The following C8orf34 variants were observed in gnomAD, a reference collection of about 807,000 sequenced individuals.
The protein encoded by C8orf34 is chromosome 8 open reading frame 34.
A neutral mutation model predicts 68.3 loss-of-function variants in C8orf34; 65 were observed. That is an observed-to-expected ratio of 0.95 (90% CI 0.78 to 1.17). The LOEUF (loss-of-function observed/expected upper bound fraction) is 1.17, where lower values mean the gene tolerates loss of function less well. Ranked by LOEUF, C8orf34 falls within the 50% of genes most tolerant of loss-of-function variation. The pLI, the probability that C8orf34 is intolerant of heterozygous loss-of-function variation, is 0.00. For missense variants in C8orf34, 664 were observed against 655.4 expected (o/e 1.01, Z -0.14); for synonymous variants, 244 against 241.2 (o/e 1.01, Z -0.11).
At chr8:68,377,070 G>T (rs996236104) in intron 1 of C8orf34, among the ~76,000 whole-genome samples, 7 of 152,072 alleles carry the variant, frequency 4.6e-5, no homozygotes, top group African/African-American at 1.7e-4. Flanking sequence ...CCTTCATGGA[G>T]CCCTGAATGT....
chr8:68,644,491 C>A (rs1481241976), intron 8 of C8orf34, among the ~76,000 whole-genome samples: 2 of 152,118 alleles, frequency 1.3e-5, no homozygotes, highest in Non-Finnish European at 2.9e-5. Context: ...TCAAAGAAAG[C>A]CTCTTGTTGC....
chr8:68,497,180 A>C (rs1044860513), intron 5 of C8orf34, among the ~76,000 whole-genome samples: 3 of 152,240 alleles, frequency 2.0e-5, no homozygotes, highest in Non-Finnish European at 4.4e-5. Flanking sequence ...AACAGAGAAT[A>C]AAAGACCTAA....
intron 12 of C8orf34, among the ~76,000 whole-genome samples, chr8:68,793,782 G>A (rs4351406): frequency 0.1 from 15,341 of 152,056 alleles, 1,743 homozygotes; most frequent in African/African-American, 0.28. Context: ...AAACCTGCAC[G>A]TCCTGCCCAT....
chr8:68,353,043 A>T (rs1245164346), intron 1 of C8orf34, among the ~76,000 whole-genome samples: 3 of 152,094 alleles, frequency 2.0e-5, no homozygotes, highest in Non-Finnish European at 2.9e-5. Context: ...TTATTAAATC[A>T]CTTAGAAATT....
intron 7 of C8orf34, among the ~76,000 whole-genome samples, chr8:68,606,705 C>T (rs1373644205): frequency 4.0e-5 from 6 of 151,762 alleles, no homozygotes; most frequent in African/African-American, 1.5e-4. Context: ...AATGGAAAGG[C>T]AATGATCACT....
At chr8:68,533,426 C>G (rs1207137022) in intron 7 of C8orf34, 1 of 1,092,022 alleles carries the variant, frequency 9.2e-7, no homozygotes, top group Non-Finnish European at 1.1e-6. Context: ...CTGTGTGCAA[C>G]TGTGATCAAA....
intron 7 of C8orf34, among the ~76,000 whole-genome samples, chr8:68,540,316 A>G (rs1243890744): frequency 4.6e-5 from 7 of 150,786 alleles, no homozygotes; most frequent in African/African-American, 1.5e-4. Flanking sequence ...TGTATTTCTT[A>G]TATCTAGTAT....
intron 12 of C8orf34, among the ~76,000 whole-genome samples, chr8:68,807,427 A>G (rs546988283): frequency 6.6e-6 from 1 of 152,324 alleles, no homozygotes; most frequent in African/African-American, 2.4e-5. Context: ...TTTAAATGCT[A>G]TCAAATCTGC....
chr8:68,677,162 A>T (rs1053614405), intron 8 of C8orf34, among the ~76,000 whole-genome samples: 1 of 152,180 alleles, frequency 6.6e-6, no homozygotes, highest in African/African-American at 2.4e-5. Context: ...ATTAAACAAT[A>T]TGCTCCTGAC....
chr8:68,368,424 T>C (rs1807410810), intron 1 of C8orf34, among the ~76,000 whole-genome samples: 1 of 152,234 alleles, frequency 6.6e-6, no homozygotes. Flanking sequence ...ATGAAAAATA[T>C]GAAAAATGAC....
rs117363955 is a variant in C8orf34, at chr8:68,629,534, A to G, written c.1106-10842A>G. Among the ~76,000 whole-genome samples the G allele has an allele frequency of 7.6e-3, 1,163 of 152,288 alleles. 6 individuals are homozygous for G. Among genetic ancestry groups the G allele is most frequent in the Non-Finnish European group, 0.011 (740 of 68,014 alleles). On this transcript the variant is annotated intron_variant, in intron 7 of 13. Coordinates refer to ENST00000518698, the MANE Select transcript of C8orf34 (RefSeq NM_052958.4). ...AACAAATGTATTCCTCCAAAAACTA[A>G]CATTCCAAAAGTCAATCCTATGTAA...
chr8:68,402,735 A>G (rs2676663), intron 1 of C8orf34, among the ~76,000 whole-genome samples: 13,088 of 152,138 alleles, frequency 0.086, 661 homozygotes, highest in Middle Eastern at 0.12. Context: ...TCCTCTTGAT[A>G]TTGAGTTACA....
At chr8:68,722,977 A>G (rs1821717957) in intron 10 of C8orf34, among the ~76,000 whole-genome samples, 1 of 152,070 alleles carries the variant, frequency 6.6e-6, no homozygotes, top group African/African-American at 2.4e-5. Context: ...TCACTCCTCT[A>G]TTCAATGCAG....
At chr8:68,712,635 A>T (rs905413496) in intron 9 of C8orf34, among the ~76,000 whole-genome samples, 4 of 152,142 alleles carry the variant, frequency 2.6e-5, no homozygotes, top group African/African-American at 9.7e-5. Flanking sequence ...GTTCAATAGG[A>T]AAATATCACA....
At chr8:68,479,786 C>T in intron 4 of C8orf34, among the ~76,000 whole-genome samples, 1 of 152,184 alleles carries the variant, frequency 6.6e-6, no homozygotes, top group East Asian at 1.9e-4. Context: ...TGATGAAAAC[C>T]AACACCATTT....
intron 6 of C8orf34, chr8:68,530,488 C>T: frequency 3.1e-6 from 1 of 321,014 alleles, no homozygotes; most frequent in Non-Finnish European, 6.1e-6. Flanking sequence ...TTAGATCTAT[C>T]AGCTAAGAAA....
intron 1 of C8orf34, among the ~76,000 whole-genome samples, chr8:68,417,884 C>T (rs1809748001): frequency 6.6e-6 from 1 of 151,810 alleles, no homozygotes; most frequent in East Asian, 1.9e-4. Context: ...TTACCTTGGG[C>T]AGTATGGCCA....
At chr8:68,697,752 A>G (rs1820876962) in intron 8 of C8orf34, among the ~76,000 whole-genome samples, 1 of 152,116 alleles carries the variant, frequency 6.6e-6, no homozygotes, top group South Asian at 2.1e-4. Context: ...AGCAGTTCCC[A>G]GCCCATGGAC....
chr8:68,787,714 T>C (rs1210154023), intron 12 of C8orf34, 178 bp downstream of exon 12: 12 of 450,886 alleles, frequency 2.7e-5, no homozygotes, highest in Middle Eastern at 1.2e-3. Flanking sequence ...TTCAGTAACA[T>C]CTTAATTATG....
Sources: gnomAD v4.1 joint callset for allele counts (sites outside exome capture counted in the v4.1 genomes callset) on GRCh38, gnomAD v4.1.1 for gene constraint, MANE v1.5 for transcripts, NCBI Gene and HGNC (gene_info 2026-07-23, HGNC 2026-07-21) for gene names.